YIPF4: variants seen among roughly 807,000 people sequenced by gnomAD.
YIPF4 encodes the protein Yip1 domain family member 4.
YIPF4 carries 18 observed loss-of-function variants against 29.4 expected under a neutral mutation model. That is an observed-to-expected ratio of 0.61 (90% CI 0.42 to 0.91). YIPF4 has a LOEUF of 0.91. Among genes scored for constraint, YIPF4 ranks in the 40% least tolerant of loss-of-function variants. The pLI, the probability that YIPF4 is intolerant of heterozygous loss-of-function variation, is 0.00. For missense variants in YIPF4, 279 were observed against 282.7 expected (o/e 0.99, Z 0.09); for synonymous variants, 115 against 104.7 (o/e 1.10, Z -0.60).
rs751555352 is a variant in YIPF4 at position 32,305,581 on chromosome 2, C to A, written c.690C>A (p.Ile230=). ...AAAAGCCTCTTCTGATTTATCCAAT[C>A]TTTTTATTATACATTTATTTTTTGT... The part of the protein sequence containing the change: ...KTKKPLLIYP[I]FLLYIYFLSL... The change falls in exon 6 of 6, where the codon ATC becomes ATA. Residue 230 remains isoleucine (I), a synonymous_variant. Coordinates refer to ENST00000238831, the MANE Select transcript of YIPF4 (RefSeq NM_032312.4). 1.2e-6 allele frequency: 2 copies of A among 1,608,790 alleles called. No individual in the cohort carries two copies. The highest frequency in any genetic ancestry group is 2.2e-5 in the East Asian group (1 of 44,600).
chr2:32,312,169 A>G lies in YIPF4; in HGVS notation c.*6543A>G, dbSNP rs1024224001. ...ATTCAATCTTTTTTTACCAAATGGT[A>G]CTTAATAAAATCTTTTACCTTATAA... On this transcript the variant is annotated 3_prime_UTR_variant, in exon 6 of 6. Transcript: ENST00000238831. 6.6e-6 allele frequency: 1 copy of G among 152,150 alleles called. No individual in the cohort carries two copies. The highest frequency in any genetic ancestry group is 1.5e-5 in the Non-Finnish European group (1 of 68,036). 9.4% of individuals were successfully genotyped at this position (152,150 alleles called of 1,614,324 possible).
At chr2:32,298,558 T>C (rs1455157068) in intron 4 of YIPF4, among the ~76,000 whole-genome samples, 6 of 152,134 alleles carry the variant, frequency 3.9e-5, no homozygotes, top group Admixed American at 3.9e-4. Flanking sequence ...ATATAATTTA[T>C]TTATTTTTTA....
intron 1 of YIPF4, among the ~76,000 whole-genome samples, chr2:32,278,753 A>G (rs1238547799): frequency 3.3e-5 from 5 of 152,096 alleles, no homozygotes; most frequent in African/African-American, 7.2e-5. Flanking sequence ...TTTTCCTCGC[A>G]TTTTGTAATG....
At chr2:32,300,451 A>AAT (rs2031365867) in intron 4 of YIPF4, among the ~76,000 whole-genome samples, 5 of 151,392 alleles carry the variant, frequency 3.3e-5, no homozygotes, top group Admixed American at 3.3e-4. Flanking sequence ...AAAAAAAAAA[A>AAT]AAAAGAGTTT....
chr2:32,292,537 A>C (rs1293509032), intron 3 of YIPF4, among the ~76,000 whole-genome samples, 189 bp downstream of exon 3: 1 of 152,154 alleles, frequency 6.6e-6, no homozygotes, highest in Non-Finnish European at 1.5e-5. Flanking sequence ...AATGCTTTCA[A>C]ACTTTTCCAC....
At chr2:32,295,036 C>T (rs1389554522) in intron 3 of YIPF4, among the ~76,000 whole-genome samples, 6 of 118,152 alleles carry the variant, frequency 5.1e-5, no homozygotes, top group East Asian at 2.9e-4. Flanking sequence ...AGCTTCGGCT[C>T]GGCATCAGAG....
intron 1 of YIPF4, among the ~76,000 whole-genome samples, chr2:32,284,718 T>C (rs184870685): frequency 9.2e-4 from 140 of 152,216 alleles, no homozygotes; most frequent in African/African-American, 3.2e-3. Context: ...ATACAGCAAG[T>C]ATATCTGAGA....
At chr2:32,293,774 T>C (rs2031027974) in intron 3 of YIPF4, among the ~76,000 whole-genome samples, 2 of 143,894 alleles carry the variant, frequency 1.4e-5, no homozygotes, top group South Asian at 4.5e-4. Context: ...GGCTCCTCAC[T>C]TCCCAGTAGG....
Position 32,300,400 on chromosome 2 carries a change from C to T in YIPF4, c.484-982C>T, listed in dbSNP as rs372666789. On this transcript the variant is annotated intron_variant, in intron 4 of 5. Coordinates refer to ENST00000238831, the MANE Select transcript of YIPF4 (RefSeq NM_032312.4). ...GGTGAGCCGAGATCGCGCCACTGCA[C>T]TCCAGTGTGGGCGACAGAGGAGGAC... 2.0e-5 allele frequency among the ~76,000 whole-genome samples: 3 copies of T among 149,690 alleles called. No homozygotes were observed. In the East Asian group the frequency reaches 5.9e-4, roughly 29 times the overall value.
intron 1 of YIPF4, among the ~76,000 whole-genome samples, chr2:32,279,660 C>G (rs1347007281): frequency 6.6e-6 from 1 of 151,244 alleles, no homozygotes; most frequent in African/African-American, 2.4e-5. Flanking sequence ...CCGTCCGCCT[C>G]GGCCTCCCAA....
intron 4 of YIPF4, among the ~76,000 whole-genome samples, chr2:32,298,687 T>C (rs1421997019): frequency 1.3e-5 from 2 of 151,776 alleles, no homozygotes; most frequent in Non-Finnish European, 2.9e-5. Flanking sequence ...GCCTTCCGAG[T>C]AGCTGGGATT....
intron 1 of YIPF4, among the ~76,000 whole-genome samples, chr2:32,288,400 C>T (rs1284467388): frequency 6.6e-6 from 1 of 152,100 alleles, no homozygotes; most frequent in Admixed American, 6.6e-5. Flanking sequence ...AAGTACAGTC[C>T]TTTCTAGAAA....
chr2:32,291,959 A>G (rs1366386893), intron 2 of YIPF4, among the ~76,000 whole-genome samples: 5 of 152,222 alleles, frequency 3.3e-5, no homozygotes, highest in African/African-American at 1.2e-4. Context: ...TGACGATTGT[A>G]AGACTCCAGT....
intron 5 of YIPF4, among the ~76,000 whole-genome samples, chr2:32,302,188 A>G (rs1029475396): frequency 4.7e-5 from 7 of 149,348 alleles, no homozygotes; most frequent in African/African-American, 1.7e-4. Flanking sequence ...GCACCACCAC[A>G]CCTAGCTAAT....
chr2:32,281,605 G>A (rs761057408), intron 1 of YIPF4, among the ~76,000 whole-genome samples: 1 of 152,084 alleles, frequency 6.6e-6, no homozygotes, highest in Non-Finnish European at 1.5e-5. Flanking sequence ...AAGAAACTGA[G>A]GTGAGCTGGG....
chr2:32,294,386 A>G (rs943620511), intron 3 of YIPF4, among the ~76,000 whole-genome samples: 8 of 151,196 alleles, frequency 5.3e-5, no homozygotes, highest in African/African-American at 1.9e-4. Context: ...CACCTCCCAG[A>G]CGTGGTCGCG....
intron 1 of YIPF4, among the ~76,000 whole-genome samples, chr2:32,281,018 C>T (rs1387327070): frequency 1.3e-5 from 2 of 152,042 alleles, no homozygotes; most frequent in Non-Finnish European, 2.9e-5. Flanking sequence ...CCTAAGAAAT[C>T]CGACAGAATA....
In YIPF4 at chr2:32,279,291, A is replaced by G. The variant is rs556872988; in HGVS notation, c.79+1057A>G. 6.7e-5 allele frequency among the ~76,000 whole-genome samples: 10 copies of G among 149,426 alleles called. No homozygotes were observed. The East Asian group carries it at 2.0e-3, about 30-fold the overall frequency. On this transcript the variant is annotated intron_variant, in intron 1 of 5. Transcript: ENST00000238831. Reference sequence around the variant, plus strand: ...CCGGCCATTTTCAAATTTTTATTACACTTCGTGCACCAGTTATTTTCCAGT... The same window carrying G: ...CCGGCCATTTTCAAATTTTTATTACGCTTCGTGCACCAGTTATTTTCCAGT...
Position 32,316,054 on chromosome 2 carries a change from A to G in YIPF4, c.*10428A>G, listed in dbSNP as rs1170058508. On this transcript the variant is annotated 3_prime_UTR_variant, in exon 6 of 6. Coordinates refer to ENST00000238831, the MANE Select transcript of YIPF4 (RefSeq NM_032312.4). ...AAAAAAAAAAAACCAAAAAAAAAAA[A>G]AAAGTATAAAGCACAGAAGCGAAAG... The G allele has an allele frequency of 6.6e-6, 1 of 151,584 alleles. No homozygotes were observed. The highest frequency in any genetic ancestry group is 1.9e-4 in the East Asian group (1 of 5,200). The allele number at this position is 151,584 out of a possible 1,614,324, so 9.4% of individuals were successfully genotyped here.
Sources: allele counts gnomAD v4.1 joint callset (sites outside exome capture counted in the v4.1 genomes callset), GRCh38; gene constraint gnomAD v4.1.1; transcripts MANE v1.5; gene names NCBI Gene and HGNC (gene_info 2026-07-23, HGNC 2026-07-21).